The following GPC5 variants were observed in gnomAD, a reference collection of about 807,000 sequenced individuals.
The protein encoded by GPC5 is glypican-5.
GPC5 carries 47 observed loss-of-function variants against 53.9 expected under a neutral mutation model. The observed-to-expected ratio is 0.87, with a 90% confidence interval of 0.69 to 1.11. The LOEUF (loss-of-function observed/expected upper bound fraction) is 1.11. GPC5 is among the 50% of genes most tolerant of loss of function. GPC5 has a pLI of 0.00. For synonymous variants in GPC5, 286 were observed against 263.3 expected, an observed-to-expected ratio of 1.09 and a Z score of -0.84; for missense variants, 748 against 713.1, an observed-to-expected ratio of 1.05 and a Z score of -0.56.
intron 7 of GPC5, among the ~76,000 whole-genome samples, chr13:92,685,113 T>A (rs1594418227): frequency 1.0e-5 from 1 of 97,584 alleles, no homozygotes; most frequent in South Asian, 4.4e-4. Flanking sequence ...TTATTTGAGA[T>A]GTAGTCTCAC....
chr13:92,354,232 T>A (rs1049320418), intron 7 of GPC5, among the ~76,000 whole-genome samples: 8 of 152,222 alleles, frequency 5.3e-5, no homozygotes, highest in African/African-American at 1.9e-4. Context: ...TGATATACTT[T>A]TCCACAAAGA....
At chr13:92,467,384 T>C (rs1271247222) in intron 7 of GPC5, among the ~76,000 whole-genome samples, 1 of 152,020 alleles carries the variant, frequency 6.6e-6, no homozygotes, top group Non-Finnish European at 1.5e-5. Context: ...TTAATATAAG[T>C]TTATGCTTAT....
chr13:92,488,734 C>T (rs562857099), intron 7 of GPC5, among the ~76,000 whole-genome samples: 1 of 152,276 alleles, frequency 6.6e-6, no homozygotes, highest in African/African-American at 2.4e-5. Context: ...GTGGTGGTTT[C>T]TTGCAGGCAT....
chr13:92,317,349 GA>G (rs894749362), intron 7 of GPC5, among the ~76,000 whole-genome samples: 1 of 152,294 alleles, frequency 6.6e-6, no homozygotes, highest in African/African-American at 2.4e-5. Context: ...GATAATGGGT[GA>G]AAAGAGAGTT....
chr13:91,487,342 C>G (rs961858216), intron 2 of GPC5, among the ~76,000 whole-genome samples: 1 of 152,228 alleles, frequency 6.6e-6, no homozygotes, highest in South Asian at 2.1e-4. Context: ...TGGAAATTAA[C>G]TTATAAAGAA....
intron 2 of GPC5, among the ~76,000 whole-genome samples, chr13:91,525,296 G>A (rs1191424730): frequency 6.6e-6 from 1 of 152,034 alleles, no homozygotes. Context: ...AATCTTAAAG[G>A]AAGATGTTTA....
At chr13:91,647,400 A>G (rs556607861) in intron 2 of GPC5, among the ~76,000 whole-genome samples, 3 of 152,316 alleles carry the variant, frequency 2.0e-5, no homozygotes, top group African/African-American at 7.2e-5. Flanking sequence ...TATTTAATAG[A>G]ACCTTTTAGA....
intron 7 of GPC5, among the ~76,000 whole-genome samples, chr13:92,585,893 G>A (rs1266854923): frequency 6.6e-6 from 1 of 152,120 alleles, no homozygotes; most frequent in Non-Finnish European, 1.5e-5. Flanking sequence ...GTTCATCCTT[G>A]CCATCTGCCA....
At chr13:91,906,823 G>A (rs1463508754) in intron 5 of GPC5, among the ~76,000 whole-genome samples, 1 of 151,890 alleles carries the variant, frequency 6.6e-6, no homozygotes, top group South Asian at 2.1e-4. Flanking sequence ...TTTTACATAC[G>A]ACATGATTTA....
At chr13:91,808,493 T>G (rs2038258413) in intron 5 of GPC5, among the ~76,000 whole-genome samples, 4 of 152,178 alleles carry the variant, frequency 2.6e-5, no homozygotes, top group Admixed American at 2.6e-4. Flanking sequence ...ACCTGTTTAT[T>G]TGAAATCTCC....
chr13:92,394,186 T>G (rs546356929), intron 7 of GPC5, among the ~76,000 whole-genome samples: 3 of 152,266 alleles, frequency 2.0e-5, no homozygotes, highest in Admixed American at 2.0e-4. Context: ...CATCTAAGGG[T>G]GTATAGTATA....
At chr13:92,421,722 T>TAAAAAAAA (rs1876578193) in intron 7 of GPC5, among the ~76,000 whole-genome samples, 1 of 112,114 alleles carries the variant, frequency 8.9e-6, no homozygotes. Context: ...AAAAAAAAAG[T>TAAAAAAAA]TTAATTGGCT....
chr13:92,611,576 G>T (rs1884438499), intron 7 of GPC5, among the ~76,000 whole-genome samples: 1 of 148,088 alleles, frequency 6.8e-6, no homozygotes, highest in Non-Finnish European at 1.5e-5. Context: ...GAATCTGTTA[G>T]TAGTCCTCAA....
intron 2 of GPC5, among the ~76,000 whole-genome samples, chr13:91,518,843 A>G (rs1855905): frequency 0.99 from 150,355 of 152,294 alleles, 74,255 homozygotes; most frequent in South Asian, 1. Flanking sequence ...GTGAGCCACC[A>G]CACCCGGCTC....
intron 7 of GPC5, among the ~76,000 whole-genome samples, chr13:92,237,843 A>G: frequency 6.6e-6 from 1 of 152,156 alleles, no homozygotes; most frequent in East Asian, 1.9e-4. Context: ...TCCCAGTACT[A>G]GGCAACCACT....
At chr13:92,133,327 G>A (rs1229445696) in intron 6 of GPC5, among the ~76,000 whole-genome samples, 1 of 152,172 alleles carries the variant, frequency 6.6e-6, no homozygotes, top group Non-Finnish European at 1.5e-5. Context: ...TGGCGTACAC[G>A]AGGGTGTCGT....
intron 2 of GPC5, among the ~76,000 whole-genome samples, chr13:91,665,216 G>A (rs977788484): frequency 6.6e-5 from 10 of 152,146 alleles, no homozygotes; most frequent in Admixed American, 6.5e-4. Flanking sequence ...AGGCTTCTCC[G>A]TATTTTTTCT....
chr13:92,052,504 C>A (rs2041038757), intron 6 of GPC5, among the ~76,000 whole-genome samples: 1 of 152,166 alleles, frequency 6.6e-6, no homozygotes, highest in South Asian at 2.1e-4. Context: ...CCATGTCCTG[C>A]TGGTTGGTCC....
At chr13:91,926,516 C>G (rs1242338510) in intron 6 of GPC5, among the ~76,000 whole-genome samples, 2 of 152,114 alleles carry the variant, frequency 1.3e-5, no homozygotes, top group Non-Finnish European at 1.5e-5. Flanking sequence ...CAGACCTGTT[C>G]CATGTATTTG....
Sources: gnomAD v4.1 joint callset for allele counts (sites outside exome capture counted in the v4.1 genomes callset) on GRCh38, gnomAD v4.1.1 for gene constraint, MANE v1.5 for transcripts, NCBI Gene and HGNC (gene_info 2026-07-23, HGNC 2026-07-21) for gene names.